The following MSH4 variants were observed in gnomAD, a reference collection of about 807,000 sequenced individuals.
The protein encoded by MSH4 is mutS homolog 4.
A neutral mutation model predicts 113.7 loss-of-function variants in MSH4; 106 were observed. The ratio of observed to expected loss-of-function variants is 0.93; its 90% CI spans 0.80 to 1.10. The LOEUF (loss-of-function observed/expected upper bound fraction) is 1.10, where lower values mean the gene tolerates loss of function less well. Ranked by LOEUF, MSH4 falls within the 50% of genes least tolerant of loss-of-function variation. The pLI, the probability that MSH4 is intolerant of heterozygous loss-of-function variation, is 0.00. For missense variants in MSH4, 1,061 were observed against 1,093.7 expected (o/e 0.97, Z 0.42); for synonymous variants, 368 against 380.2 (o/e 0.97, Z 0.37).
chr1:75,865,636 G>T (rs890637691), intron 8 of MSH4, among the ~76,000 whole-genome samples: 1 of 152,128 alleles, frequency 6.6e-6, no homozygotes, highest in Admixed American at 6.5e-5. Context: ...TGGAGAGTTT[G>T]TAATATGATT....
At chr1:75,825,015 C>T (rs564152469) in intron 7 of MSH4, among the ~76,000 whole-genome samples, 5 of 149,240 alleles carry the variant, frequency 3.4e-5, no homozygotes, top group Non-Finnish European at 5.9e-5. Context: ...TCAATGGTAG[C>T]TAAATGGGAA....
rs543899934 is a variant in MSH4, at chr1:75,895,216, A to T, written c.2356-2691A>T. Among the ~76,000 whole-genome samples the T allele has an allele frequency of 3.9e-5, 6 of 152,254 alleles. No homozygotes were observed. In the East Asian group the frequency reaches 1.2e-3, roughly 29 times the overall value. ...GGTATTGTGTTGGCTGAAGTGATTG[A>T]TCCTGATTAGCAAAGGGAAATTGGA... On this transcript the variant is annotated intron_variant, in intron 17 of 19. Transcript: ENST00000263187.
chr1:75,861,983 G>C (rs1017999363), intron 8 of MSH4, among the ~76,000 whole-genome samples: 3 of 152,132 alleles, frequency 2.0e-5, no homozygotes, highest in Non-Finnish European at 4.4e-5. Context: ...ACCTACTCAA[G>C]CCTCAGCAAT....
rs780008794 is a variant in MSH4 at position 75,797,143 on chromosome 1, G to A, written c.158G>A (p.Cys53Tyr). 1.2e-6 allele frequency: 2 copies of A among 1,613,416 alleles called. No individual in the cohort carries two copies. Among genetic ancestry groups the A allele is most frequent in the African/African-American group, 1.3e-5 (1 of 74,922 alleles). The change falls in exon 1 of 20, where the codon TGT becomes TAT. Residue 53 changes from cysteine to tyrosine, a missense_variant. Transcript: ENST00000263187. Reference sequence around the variant, plus strand: ...GTCCAGGTGGTCTCTGCATCCACCTGTCCTGGCACGTCAGGAGCTGCGGGC... The same window carrying A: ...GTCCAGGTGGTCTCTGCATCCACCTATCCTGGCACGTCAGGAGCTGCGGGC... ...PSVQVVSAST[C>Y]PGTSGAAGDR...
At chr1:75,863,974 C>T (rs1393976892) in intron 8 of MSH4, among the ~76,000 whole-genome samples, 1 of 152,054 alleles carries the variant, frequency 6.6e-6, no homozygotes, top group East Asian at 1.9e-4. Context: ...TCACCAATAC[C>T]TCAAAAATTC....
intron 18 of MSH4, 30 bp from the exon 19 acceptor site, chr1:75,899,588 T>C (rs1652464492): frequency 7.4e-7 from 1 of 1,350,528 alleles, no homozygotes; most frequent in African/African-American, 1.5e-5. Flanking sequence ...GTAACAATAT[T>C]GAAGCCAAAT....
rs151130685 is a variant in MSH4 at position 75,835,754 on chromosome 1, A to G, written c.1163-12455A>G. 2.9e-3 allele frequency among the ~76,000 whole-genome samples: 436 copies of G among 152,266 alleles called. 5 individuals carry two copies. The highest frequency in any genetic ancestry group is 0.01 in the African/African-American group (422 of 41,528). On this transcript the variant is annotated intron_variant, in intron 7 of 19. Coordinates refer to ENST00000263187, the MANE Select transcript of MSH4 (RefSeq NM_002440.4). Reference sequence around the variant, plus strand: ...CTAGCTACCACTATATCACTTCTCTATTCACAGCCAAACCTGTTGAAAAAC... The same window carrying G: ...CTAGCTACCACTATATCACTTCTCTGTTCACAGCCAAACCTGTTGAAAAAC...
chr1:75,898,219 T>A, intron 18 of MSH4, 138 bp downstream of exon 18: 1 of 466,908 alleles, frequency 2.1e-6, no homozygotes, highest in East Asian at 3.4e-5. Context: ...TCTTAGATTG[T>A]ATTTTCTATG....
chr1:75,906,992 C>T (rs993405486), intron 19 of MSH4, among the ~76,000 whole-genome samples: 4 of 151,896 alleles, frequency 2.6e-5, no homozygotes, highest in African/African-American at 9.7e-5. Context: ...CACCACCACG[C>T]CCAGCTAATA....
chr1:75,818,495 T>C (rs527947168), intron 6 of MSH4, among the ~76,000 whole-genome samples: 1 of 152,362 alleles, frequency 6.6e-6, no homozygotes, highest in South Asian at 2.1e-4. Context: ...TAATAGTGCC[T>C]ATCTCATAAC....
At chr1:75,902,878 T>A (rs999875048) in intron 19 of MSH4, among the ~76,000 whole-genome samples, 5 of 150,740 alleles carry the variant, frequency 3.3e-5, no homozygotes, top group Non-Finnish European at 1.5e-5. Flanking sequence ...TTGGTGGGAT[T>A]TTTTTGCTAT....
rs1431564770 is a variant in MSH4 at position 75,840,812 on chromosome 1, A to T, written c.1163-7397A>T. On this transcript the variant is annotated intron_variant, in intron 7 of 19. Transcript: ENST00000263187. ...CATTAAGCTATATCTGTCCTCAAGG[A>T]CCTCACATCCATGTTCGGGCAACAG... is the stretch of plus-strand genomic sequence containing the variant. Among the ~76,000 whole-genome samples, 3 of 152,120 alleles carry T rather than the reference A, an allele frequency of 2.0e-5. No individual in the cohort carries two copies. In the South Asian group the frequency reaches 6.2e-4, roughly 32 times the overall value.
At chr1:75,880,423 G>T (rs922933074) in intron 13 of MSH4, among the ~76,000 whole-genome samples, 3 of 152,026 alleles carry the variant, frequency 2.0e-5, no homozygotes, top group African/African-American at 7.2e-5. Flanking sequence ...GCTTACCTGG[G>T]CTTCGTTCAG....
intron 19 of MSH4, among the ~76,000 whole-genome samples, chr1:75,904,384 G>A (rs1403648185): frequency 7.2e-5 from 11 of 152,174 alleles, no homozygotes; most frequent in African/African-American, 1.7e-4. Flanking sequence ...CATAGAATGA[G>A]TTTGGAAGTG....
intron 8 of MSH4, among the ~76,000 whole-genome samples, chr1:75,859,333 AG>A (rs1175153170): frequency 1.3e-5 from 2 of 152,036 alleles, no homozygotes; most frequent in African/African-American, 2.4e-5. Flanking sequence ...TTGACTGTCT[AG>A]TTCTTTTAAT....
intron 11 of MSH4, 108 bp from the exon 12 acceptor site, chr1:75,878,884 A>G (rs1216286241): frequency 5.0e-6 from 5 of 1,009,478 alleles, no homozygotes; most frequent in Non-Finnish European, 7.1e-6. Context: ...CTATTTATGT[A>G]TAAAATAAGA....
At chr1:75,861,309 G>C (rs985280503) in intron 8 of MSH4, among the ~76,000 whole-genome samples, 1 of 152,162 alleles carries the variant, frequency 6.6e-6, no homozygotes, top group Non-Finnish European at 1.5e-5. Context: ...TCCCTTGCTG[G>C]TGAGGAGTTG....
chr1:75,814,301 A>C (rs2100513134), intron 4 of MSH4, among the ~76,000 whole-genome samples: 1 of 151,432 alleles, frequency 6.6e-6, no homozygotes, highest in Non-Finnish European at 1.5e-5. Context: ...CAAAAAAAAA[A>C]AAAAAAAAAA....
At chr1:75,909,337 T>C (rs190823383) in intron 19 of MSH4, among the ~76,000 whole-genome samples, 7 of 152,262 alleles carry the variant, frequency 4.6e-5, no homozygotes, top group Non-Finnish European at 2.9e-5. Context: ...CCAACTATCA[T>C]TTCAGCCTCA....
Sources: allele counts gnomAD v4.1 joint callset (sites outside exome capture counted in the v4.1 genomes callset), GRCh38; gene constraint gnomAD v4.1.1; transcripts MANE v1.5; gene names NCBI Gene and HGNC (gene_info 2026-07-23, HGNC 2026-07-21).